The following GLT1D1 variants were observed in gnomAD, a reference collection of about 807,000 sequenced individuals.
GLT1D1 encodes the protein glycosyltransferase 1 domain-containing protein 1.
A neutral mutation model predicts 28.7 loss-of-function variants in GLT1D1; 21 were observed. The ratio of observed to expected loss-of-function variants is 0.73; its 90% CI spans 0.52 to 1.05. GLT1D1 has a LOEUF of 1.05. Among genes scored for constraint, GLT1D1 ranks in the 50% least tolerant of loss-of-function variants. The pLI is 0.00. For synonymous variants in GLT1D1, 147 were observed against 124.8 expected (o/e 1.18, Z -1.19); for missense variants, 343 against 330.6 (o/e 1.04, Z -0.29).
At chr12:128,959,411 T>TGGGCGG (rs1387226947) in intron 7 of GLT1D1, among the ~76,000 whole-genome samples, 563 of 31,294 alleles carry the variant, frequency 0.018, 13 homozygotes, top group East Asian at 0.12. Flanking sequence ...CATGAGGCAG[T>TGGGCGG]GGGGGGGGAC....
chr12:128,892,857 C>G (rs1358628021), intron 3 of GLT1D1, among the ~76,000 whole-genome samples: 1 of 151,876 alleles, frequency 6.6e-6, no homozygotes, highest in Non-Finnish European at 1.5e-5. Flanking sequence ...GTAATAAGTA[C>G]TTGATAATTA....
chr12:128,979,804 C>T (rs1880143280), intron 7 of GLT1D1, among the ~76,000 whole-genome samples: 1 of 152,094 alleles, frequency 6.6e-6, no homozygotes, highest in Non-Finnish European at 1.5e-5. Context: ...CCGGAGCATC[C>T]CGGCTTAGCC....
At chr12:128,916,842 T>C (rs1872157171) in intron 4 of GLT1D1, among the ~76,000 whole-genome samples, 1 of 152,248 alleles carries the variant, frequency 6.6e-6, no homozygotes, top group Non-Finnish European at 1.5e-5. Context: ...GCTTAAATTT[T>C]ATTGAAGTCG....
rs374597920 is a variant in GLT1D1 at position 128,956,171 on chromosome 12, A to AAAAAAAAGAG, written c.541-1373_541-1372insAAAAAAGAGA. 2.3e-4 allele frequency among the ~76,000 whole-genome samples: 15 copies of AAAAAAAAGAG among 63,938 alleles called. 1 individual carries two copies. Among genetic ancestry groups the AAAAAAAAGAG allele is most frequent in the East Asian group, 4.1e-4 (1 of 2,454 alleles). 41.9% of individuals were successfully genotyped at this position (63,938 alleles called of 152,430 possible). On this transcript the variant is annotated intron_variant, in intron 6 of 7. Coordinates refer to ENST00000281703, the MANE Select transcript of GLT1D1 (RefSeq NM_144669.3). ...GAGACTCCATCTCAAAAAAAAAAAA[A>AAAAAAAAGAG]AGAGAAAGAGAGAAAGAAAGAAAGA...
chr12:128,911,383 G>A (rs187576808), intron 4 of GLT1D1, among the ~76,000 whole-genome samples: 11 of 152,338 alleles, frequency 7.2e-5, no homozygotes, highest in African/African-American at 2.4e-4. Context: ...TGGGGACAAC[G>A]TCCAACGTGG....
At chr12:128,906,168 A>G (rs116737931) in intron 4 of GLT1D1, among the ~76,000 whole-genome samples, 153 of 152,162 alleles carry the variant, frequency 1.0e-3, no homozygotes, top group African/African-American at 3.4e-3. Context: ...TTGATTTGAC[A>G]TTTTCAAGAA....
chr12:128,854,394 CGTGTGTGT>C lies in GLT1D1; in HGVS notation c.68+782_68+789del, dbSNP rs56655033. Among the ~76,000 whole-genome samples the C allele has an allele frequency of 8.8e-3, 1,272 of 143,912 alleles. 5 individuals are homozygous for C. The highest frequency in any genetic ancestry group is 0.012 in the African/African-American group (452 of 38,670). 94.4% of individuals were successfully genotyped at this position (143,912 alleles called of 152,430 possible). On this transcript the variant is annotated intron_variant, in intron 1 of 7. Transcript: ENST00000281703. ...TTAGAGCCTGCAGCTTAACAGAAGCCGTGTGTGTGTGTGTGTGTGTGTGTGTGTGTGTG... is the reference window on the plus strand; with the variant it reads ...TTAGAGCCTGCAGCTTAACAGAAGCCGTGTGTGTGTGTGTGTGTGTGTGTG...
In GLT1D1 at chr12:128,943,924, C is replaced by T. The variant is rs150997308; in HGVS notation, c.376-1402C>T. 6.1e-4 allele frequency among the ~76,000 whole-genome samples: 93 copies of T among 152,138 alleles called. No homozygotes were observed. The East Asian group carries it at 8.7e-3, about 14-fold the overall frequency. ...ACATGTAACTTTTTTTTAACTTTTCCGGGAAAATACGGAAGCTTTATCAAC... is the reference window on the plus strand; with the variant it reads ...ACATGTAACTTTTTTTTAACTTTTCTGGGAAAATACGGAAGCTTTATCAAC... On this transcript the variant is annotated intron_variant, in intron 4 of 7. Coordinates refer to ENST00000281703, the MANE Select transcript of GLT1D1 (RefSeq NM_144669.3).
intron 4 of GLT1D1, 62 bp from the exon 9 acceptor site, chr12:128,945,264 G>A (rs1346758207): frequency 6.4e-7 from 1 of 1,557,068 alleles, no homozygotes; most frequent in Admixed American, 1.7e-5. Context: ...GGCCCGTGCT[G>A]GCCGGCTGGC....
At position 128,853,550 on chromosome 12, in the gene GLT1D1, G is replaced by C. The variant is rs1272272560; in HGVS notation, c.-32G>C. The C allele has an allele frequency of 2.8e-6, 3 of 1,053,900 alleles. No homozygotes were observed. The Admixed American group carries it at 1.6e-4, about 58-fold the overall frequency. The allele number at this position is 1,053,900 out of a possible 1,614,324, so 65.3% of individuals were successfully genotyped here. A position where few individuals can be genotyped will look rare whatever the true frequency, so the allele number is the denominator to read the frequency against. ...CCCGGGGCCTGGTCGGCGGCGGCGG[G>C]GCCGGTCGATGGCCCGGGCGGCGGC... On this transcript the variant is annotated 5_prime_UTR_variant, in exon 1 of 8. Transcript: ENST00000281703.
intron 4 of GLT1D1, among the ~76,000 whole-genome samples, chr12:128,933,409 T>C (rs2135931723): frequency 6.6e-6 from 1 of 152,410 alleles, no homozygotes; most frequent in South Asian, 2.1e-4. Context: ...ATGCAGTTCA[T>C]GCATTCTGAT....
intron 2 of GLT1D1, among the ~76,000 whole-genome samples, chr12:128,882,236 A>G (rs926351842): frequency 3.3e-5 from 5 of 151,884 alleles, no homozygotes; most frequent in African/African-American, 9.7e-5. Context: ...CATTAACAAC[A>G]TTAATACACA....
chr12:128,978,341 G>A (rs1879988626), intron 7 of GLT1D1, among the ~76,000 whole-genome samples: 1 of 152,152 alleles, frequency 6.6e-6, no homozygotes, highest in South Asian at 2.1e-4. Context: ...CCCGGTGTCA[G>A]ATTCCAGAGC....
Position 128,980,992 on chromosome 12 carries a change from G to A in GLT1D1, c.640-1937G>A, listed in dbSNP as rs183370534. On this transcript the variant is annotated intron_variant, in intron 7 of 7. Transcript: ENST00000281703. ...ATGGATTTCTCACGTCTACAGGCGC[G>A]TGTCCAGCAGATTCCCGATGCAGCC... Among the ~76,000 whole-genome samples the A allele has an allele frequency of 6.6e-5, 10 of 152,296 alleles. No individual in the cohort carries two copies. In the East Asian group the frequency reaches 1.3e-3, roughly 21 times the overall value.
chr12:128,853,756 C>G (rs1212265117), intron 1 of GLT1D1, 107 bp downstream of exon 1: 1 of 742,668 alleles, frequency 1.3e-6, no homozygotes, highest in Non-Finnish European at 1.7e-6. Flanking sequence ...CCAGCCGCGC[C>G]GGGGCCGTCC....
chr12:128,875,940 T>G lies in GLT1D1; in HGVS notation c.95T>G (p.Val32Gly), dbSNP rs1277173050. Residue 32 changes from valine (V) to glycine (G), a missense_variant, in exon 2 of 8, where the codon GTG becomes GGG. Physicochemically the swap from Val to Gly is moderately radical, Grantham distance 109 (BLOSUM62 -3). Transcript: ENST00000281703. ...GCCCATCTAGAGGCTGCAGGGCACG[T>G]GTGCGTTTTGAAGGATGCCTTTGAC... 6.8e-6 allele frequency: 11 copies of G among 1,614,016 alleles called. No homozygotes were observed. Among genetic ancestry groups the G allele is most frequent in the Non-Finnish European group, 9.3e-6 (11 of 1,179,990 alleles).
At chr12:128,905,828 GTT>G (rs34356463) in intron 4 of GLT1D1, among the ~76,000 whole-genome samples, 8 of 146,886 alleles carry the variant, frequency 5.4e-5, no homozygotes, top group Admixed American at 2.0e-4. Context: ...TCTTTTAAGT[GTT>G]TTTTTTTTTT....
intron 4 of GLT1D1, among the ~76,000 whole-genome samples, chr12:128,899,785 C>T (rs1409651607): frequency 6.6e-6 from 1 of 152,068 alleles, no homozygotes; most frequent in African/African-American, 2.4e-5. Flanking sequence ...CTACTGGCCT[C>T]AAATGATCTG....
intron 4 of GLT1D1, among the ~76,000 whole-genome samples, chr12:128,933,385 C>G (rs28529247): frequency 6.6e-6 from 1 of 152,232 alleles, no homozygotes; most frequent in Non-Finnish European, 1.5e-5. Context: ...GAACAATACG[C>G]TTTCTTTTAC....
Sources: allele counts gnomAD v4.1 joint callset (sites outside exome capture counted in the v4.1 genomes callset), GRCh38; gene constraint gnomAD v4.1.1; transcripts MANE v1.5; gene names NCBI Gene and HGNC (gene_info 2026-07-23, HGNC 2026-07-21).